MEGF6: variants seen among roughly 807,000 people sequenced by gnomAD.
MEGF6 encodes the protein multiple EGF like domains 6.
In MEGF6, 184 loss-of-function variants were observed where a neutral mutation model predicts 207.1. The ratio of observed to expected loss-of-function variants is 0.89; its 90% CI spans 0.79 to 1.00. MEGF6 has a LOEUF of 1.00. Among genes scored for constraint, MEGF6 ranks in the 50% least tolerant of loss-of-function variants. The pLI, the probability that MEGF6 is intolerant of heterozygous loss-of-function variation, is 0.00. For missense variants in MEGF6, 2,282 were observed against 2,202.9 expected (o/e 1.04, Z -0.72); for synonymous variants, 1,038 against 910.0 (o/e 1.14, Z -2.53).
At chr1:3,575,179 T>G (rs1385870550) in intron 4 of MEGF6, among the ~76,000 whole-genome samples, 2 of 152,196 alleles carry the variant, frequency 1.3e-5, no homozygotes, top group African/African-American at 2.4e-5. Flanking sequence ...CCAGTGGGTG[T>G]TGGGGAAGGG....
chr1:3,606,381 C>T (rs1482775123), intron 1 of MEGF6, among the ~76,000 whole-genome samples: 1 of 152,238 alleles, frequency 6.6e-6, no homozygotes, highest in Non-Finnish European at 1.5e-5. Context: ...AGCTTGTAAC[C>T]CCAGGCCTAG....
chr1:3,505,104 G>A (rs1219651736), intron 17 of MEGF6, 104 bp downstream of exon 17: 22 of 1,476,618 alleles, frequency 1.5e-5, no homozygotes, highest in Admixed American at 6.0e-5. Context: ...AAAGGGGGCC[G>A]ATAGTGACAG....
chr1:3,600,083 C>A, intron 2 of MEGF6, among the ~76,000 whole-genome samples: 1 of 152,180 alleles, frequency 6.6e-6, no homozygotes, highest in East Asian at 1.9e-4. Context: ...CTCAGCTGCC[C>A]CGGCCTGGGC....
intron 14 of MEGF6, among the ~76,000 whole-genome samples, chr1:3,506,917 G>A (rs947481143): frequency 3.3e-5 from 5 of 152,242 alleles, no homozygotes; most frequent in African/African-American, 1.2e-4. Context: ...ACAGAAAGAG[G>A]AGGCCTGGAG....
the MEGF6 span, among the ~76,000 whole-genome samples, chr1:3,617,344 A>G: frequency 1.1e-5 from 1 of 90,080 alleles, no homozygotes; most frequent in Non-Finnish European, 2.3e-5. Context: ...GTTGGCCCAC[A>G]TCCTCCCCTG....
chr1:3,571,711 G>GGGTGTGCTGAGTCTTTTCCA (rs796833525), intron 4 of MEGF6, among the ~76,000 whole-genome samples: 1,616 of 125,926 alleles, frequency 0.013, 37 homozygotes, highest in African/African-American at 0.065. Flanking sequence ...GGGTTCTCCT[G>GGGTGTGCTGAGTCTTTTCCA]GGTGTGCTGG....
intron 35 of MEGF6, among the ~76,000 whole-genome samples, chr1:3,491,909 C>T (rs1172103105): frequency 6.6e-6 from 1 of 151,862 alleles, no homozygotes; most frequent in Admixed American, 6.6e-5. Flanking sequence ...GAGCCACCCT[C>T]ACACAGGTGC....
At chr1:3,493,084 C>T (rs1381252308) in intron 34 of MEGF6, 2 of 401,540 alleles carry the variant, frequency 5.0e-6, no homozygotes, top group Admixed American at 7.7e-5. Context: ...CAGGGATGCC[C>T]CCTCAGGGCA....
At chr1:3,588,723 C>T (rs1643933187) in intron 3 of MEGF6, among the ~76,000 whole-genome samples, 2 of 152,132 alleles carry the variant, frequency 1.3e-5, no homozygotes, top group Non-Finnish European at 1.5e-5. Context: ...GAGGCAGGGC[C>T]GGGCCCAAGC....
At chr1:3,509,052 C>T (rs1278595095) in intron 12 of MEGF6, 23 bp downstream of exon 12, 1 of 1,524,362 alleles carries the variant, frequency 6.6e-7, no homozygotes, top group African/African-American at 1.4e-5. Context: ...GCAGGAGCCC[C>T]CGGGGGCTGG....
chr1:3,576,693 C>A (rs183695416), intron 4 of MEGF6, among the ~76,000 whole-genome samples: 1 of 145,340 alleles, frequency 6.9e-6, no homozygotes, highest in East Asian at 2.1e-4. Context: ...CTCAGCCCTG[C>A]ACACTCAGTC....
At chr1:3,592,650 C>A (rs950147916) in intron 3 of MEGF6, among the ~76,000 whole-genome samples, 1 of 152,308 alleles carries the variant, frequency 6.6e-6, no homozygotes, top group African/African-American at 2.4e-5. Flanking sequence ...CCAGGCAGCA[C>A]CCCTCCCACC....
At chr1:3,613,888 CCCTGTCCCAGGCACTGCTGCTGTGCTCT>C (rs1644356672), upstream of MEGF6, among the ~76,000 whole-genome samples, 2 of 151,094 alleles carry the variant, frequency 1.3e-5, no homozygotes, top group Non-Finnish European at 3.0e-5. Context: ...CTGTGCTCTC[CCCTGTCCCAGGCACTGCTGCTGTGCTCT>C]CCTGTCCCAG....
At chr1:3,567,767 G>C (rs1302282237) in intron 4 of MEGF6, among the ~76,000 whole-genome samples, 1 of 152,224 alleles carries the variant, frequency 6.6e-6, no homozygotes, top group Non-Finnish European at 1.5e-5. Context: ...TGAAGGAGAC[G>C]GCCCTCCACC....
chr1:3,604,395 C>A (rs760773581), intron 1 of MEGF6, among the ~76,000 whole-genome samples: 8 of 152,212 alleles, frequency 5.3e-5, no homozygotes, highest in Non-Finnish European at 1.2e-4. Context: ...AGGTTCCCCA[C>A]CAACTCCCAG....
intron 4 of MEGF6, among the ~76,000 whole-genome samples, chr1:3,571,452 CGCTGGGTCCTCCCCAAGGGT>C (rs1201510750): frequency 3.3e-5 from 5 of 151,976 alleles, no homozygotes; most frequent in Admixed American, 2.0e-4. Context: ...CCCCCAGACA[CGCTGGGTCCTCCCCAAGGGT>C]GCTGGGTCCT....
chr1:3,618,425 G>C, the MEGF6 span, among the ~76,000 whole-genome samples: 1 of 152,126 alleles, frequency 6.6e-6, no homozygotes, highest in African/African-American at 2.4e-5. This position sits in a 1 kb window ranked among gnomAD's most constrained non-coding sequence, Gnocchi z 4.7. Context: ...TGGGGACCCT[G>C]GGCCCCACAC....
intron 5 of MEGF6, among the ~76,000 whole-genome samples, chr1:3,518,134 T>C (rs1641614260): frequency 6.6e-6 from 1 of 152,180 alleles, no homozygotes; most frequent in Non-Finnish European, 1.5e-5. Context: ...AAAAATCCTG[T>C]GTTGGAGCCT....
Position 3,524,258 on chromosome 1 carries a change from TG to T in MEGF6, c.482-13del. On this transcript the variant is annotated splice_polypyrimidine_tract_variant and intron_variant, in intron 4 of 36. Coordinates refer to ENST00000356575, the MANE Select transcript of MEGF6 (RefSeq NM_001409.4). ...GCATTCGTCCACATCTGAGCAGGAA[TG>T]GGGAAGGATCAGCAGCTGGGCACCT... 1.2e-6 allele frequency: 2 copies of T among 1,604,570 alleles called. No individual in the cohort carries two copies. Among genetic ancestry groups the T allele is most frequent in the Non-Finnish European group, 8.5e-7 (1 of 1,173,034 alleles).
Sources: allele counts gnomAD v4.1 joint callset (sites outside exome capture counted in the v4.1 genomes callset), GRCh38; gene constraint gnomAD v4.1.1; non-coding constraint Gnocchi (gnomAD v3.1); transcripts MANE v1.5; gene names NCBI Gene and HGNC (gene_info 2026-07-23, HGNC 2026-07-21).